TNFRSF13C: variants seen among roughly 807,000 people sequenced by gnomAD.
TNFRSF13C encodes TNF receptor superfamily member 13C.
A neutral mutation model predicts 12.1 loss-of-function variants in TNFRSF13C; 7 were observed. That is an observed-to-expected ratio of 0.58 (90% CI 0.33 to 1.08). TNFRSF13C has a LOEUF of 1.08. Among genes scored for constraint, TNFRSF13C ranks in the 50% least tolerant of loss-of-function variants. TNFRSF13C has a pLI of 0.04. For missense variants in TNFRSF13C, 260 were observed against 265.9 expected, an observed-to-expected ratio of 0.98 and a Z score of 0.15; for synonymous variants, 157 against 130.8, an observed-to-expected ratio of 1.20 and a Z score of -1.37.
chr22:41,926,006 C>G lies in TNFRSF13C; in HGVS notation c.367+95G>C, dbSNP rs925020809. On this transcript the variant is annotated intron_variant, in intron 2 of 2. Transcript: ENST00000291232. This position sits in a 1 kb window ranked among gnomAD's most constrained non-coding sequence, Gnocchi z 4.9. ...CTCCGTTTCCCCTTAAAGCCCTTCTCTCCCCCTCAGGGGCCATGCATCTCC... is the reference window on the plus strand; with the variant it reads ...CTCCGTTTCCCCTTAAAGCCCTTCTGTCCCCCTCAGGGGCCATGCATCTCC... 7.3e-6 allele frequency: 11 copies of G among 1,515,014 alleles called. No homozygotes were observed. In the African/African-American group the frequency reaches 1.4e-4, roughly 19 times the overall value. The allele number at this position is 1,515,014 out of a possible 1,614,324, so 93.8% of individuals were successfully genotyped here. A position where few individuals can be genotyped will look rare whatever the true frequency, so the allele number is the denominator to read the frequency against.
Position 41,926,004 on chromosome 22 carries a change from C to G in TNFRSF13C, c.367+97G>C. 2.0e-6 allele frequency: 3 copies of G among 1,505,966 alleles called. No individual in the cohort carries two copies. The highest frequency in any genetic ancestry group is 2.7e-6 in the Non-Finnish European group (3 of 1,098,708). The allele number at this position is 1,505,966 out of a possible 1,614,324, so 93.3% of individuals were successfully genotyped here. A position where few individuals can be genotyped will look rare whatever the true frequency, so the allele number is the denominator to read the frequency against. On this transcript the variant is annotated intron_variant, in intron 2 of 2. Transcript: ENST00000291232. The surrounding 1 kb of genome is among the most constrained non-coding windows in gnomAD (Gnocchi z 4.9). ...GTCTCCGTTTCCCCTTAAAGCCCTT[C>G]TCTCCCCCTCAGGGGCCATGCATCT...
At chr22:41,925,858 C>G (rs1025596943) in intron 2 of TNFRSF13C, among the ~76,000 whole-genome samples, 2 of 152,168 alleles carry the variant, frequency 1.3e-5, no homozygotes, top group African/African-American at 4.8e-5. Flanking sequence ...TGCAACCTGT[C>G]TCTTCCTCAC....
At position 41,926,452 on chromosome 22, in the gene TNFRSF13C, G is replaced by T; in HGVS notation, c.137-121C>A. ...GGGGAGGGACAGCCGGGGGGCGGTGGACAAGGGGAGGGAGAGAGGCGGCGG... is the reference window on the plus strand; with the variant it reads ...GGGGAGGGACAGCCGGGGGGCGGTGTACAAGGGGAGGGAGAGAGGCGGCGG... On this transcript the variant is annotated intron_variant, in intron 1 of 2. Coordinates refer to ENST00000291232, the MANE Select transcript of TNFRSF13C (RefSeq NM_052945.4). This position sits in a 1 kb window ranked among gnomAD's most constrained non-coding sequence, Gnocchi z 4.9. 1 of 1,025,578 alleles carries T rather than the reference G, an allele frequency of 9.8e-7. No homozygotes were observed. The highest frequency in any genetic ancestry group is 1.3e-6 in the Non-Finnish European group (1 of 771,230). The allele number at this position is 1,025,578 out of a possible 1,614,324, so 63.5% of individuals were successfully genotyped here.
At position 41,925,457 on chromosome 22, in the gene TNFRSF13C, G is replaced by A. The variant is rs1335634043; in HGVS notation, c.465C>T (p.Thr155=). ...WPPPGEDPGT[T]PPGHSVPVPA... ...GCACAGGGACACTGTGGCCAGGTGGGGTGGTTCCTGGGTCTTCCCCAGGAG... is the reference window on the plus strand; with the variant it reads ...GCACAGGGACACTGTGGCCAGGTGGAGTGGTTCCTGGGTCTTCCCCAGGAG... Residue 155 remains threonine, a synonymous_variant, in exon 3 of 3, where the codon ACC becomes ACT. Coordinates refer to ENST00000291232, the MANE Select transcript of TNFRSF13C (RefSeq NM_052945.4). The A allele has an allele frequency of 1.2e-6, 2 of 1,612,846 alleles. No homozygotes were observed. Among genetic ancestry groups the A allele is most frequent in the South Asian group, 1.1e-5 (1 of 91,078 alleles).
chr22:41,926,475 C>CGGT lies in TNFRSF13C; in HGVS notation c.137-147_137-145dup. On this transcript the variant is annotated intron_variant, in intron 1 of 2. Transcript: ENST00000291232. This position sits in a 1 kb window ranked among gnomAD's most constrained non-coding sequence, Gnocchi z 4.9. ...TGGACAAGGGGAGGGAGAGAGGCGGCGGTGAGGGCCACGCGGTGATCGCGG... is the reference window on the plus strand; with the variant it reads ...TGGACAAGGGGAGGGAGAGAGGCGGCGGTGGTGAGGGCCACGCGGTGATCGCGG... 1 of 1,116,666 alleles carries CGGT rather than the reference C, an allele frequency of 9.0e-7. No individual in the cohort carries two copies. The highest frequency in any genetic ancestry group is 3.2e-4 in the Middle Eastern group (1 of 3,168). 69.2% of individuals were successfully genotyped at this position (1,116,666 alleles called of 1,614,324 possible).
Position 41,926,271 on chromosome 22 carries a change from C to T in TNFRSF13C, c.197G>A (p.Gly66Glu). The T allele has an allele frequency of 6.7e-7, 1 of 1,490,626 alleles. No homozygotes were observed. The highest frequency in any genetic ancestry group is 1.3e-5 in the South Asian group (1 of 78,770). 92.3% of individuals were successfully genotyped at this position (1,490,626 alleles called of 1,614,324 possible). A position where few individuals can be genotyped will look rare whatever the true frequency, so the allele number is the denominator to read the frequency against. The change falls in exon 2 of 3, where the codon GGG (glycine) becomes GAG (glutamate). Residue 66 changes from glycine to glutamate, a missense_variant. Physicochemically the swap from Gly to Glu is moderately conservative, Grantham distance 98. Coordinates refer to ENST00000291232, the MANE Select transcript of TNFRSF13C (RefSeq NM_052945.4). The surrounding 1 kb of genome is among the most constrained non-coding windows in gnomAD (Gnocchi z 4.9). ...ALQPQESVGA[G>E]AGEAALPLPG... ...CAGGGGCAGCGCCGCCTCGCCGGCC[C>T]CCGCGCCCACCGACTCCTGCGGCTG...
At position 41,926,610 on chromosome 22, in the gene TNFRSF13C, C is replaced by T. The variant is rs2077633763; in HGVS notation, c.136+28G>A. The T allele has an allele frequency of 1.1e-5, 15 of 1,416,112 alleles. No individual in the cohort carries two copies. The East Asian group carries it at 2.5e-4, about 23-fold the overall frequency. The allele number at this position is 1,416,112 out of a possible 1,614,324, so 87.7% of individuals were successfully genotyped here. ...GCCCCGTTCTCCCCGCAGCTGCCGG[C>T]GCCGCGCGCCCCGTGGGTCCCCCTT... On this transcript the variant is annotated intron_variant, in intron 1 of 2. Coordinates refer to ENST00000291232, the MANE Select transcript of TNFRSF13C (RefSeq NM_052945.4). The surrounding 1 kb of genome is among the most constrained non-coding windows in gnomAD (Gnocchi z 4.9).
Position 41,925,225 on chromosome 22 carries a change from T to C in TNFRSF13C, c.*142A>G. The C allele has an allele frequency of 1.1e-6, 1 of 905,076 alleles. No individual in the cohort carries two copies. The highest frequency in any genetic ancestry group is 1.6e-6 in the Non-Finnish European group (1 of 612,258). The allele number at this position is 905,076 out of a possible 1,614,324, so 56.1% of individuals were successfully genotyped here. A position where few individuals can be genotyped will look rare whatever the true frequency, so the allele number is the denominator to read the frequency against. ...TCCATGGGGGCTGAATGCTGTGGTC[T>C]GTAGTGTCTGTGCTTCTGCAGAGTT... On this transcript the variant is annotated 3_prime_UTR_variant, in exon 3 of 3. Coordinates refer to ENST00000291232, the MANE Select transcript of TNFRSF13C (RefSeq NM_052945.4).
rs2077632912 is a variant in TNFRSF13C at position 41,926,497 on chromosome 22, G to C, written c.136+141C>G. ...CGGCGGTGAGGGCCACGCGGTGATC[G>C]CGGGCCCCTCCAGGCCCTGCCCACA... On this transcript the variant is annotated intron_variant, in intron 1 of 2. Coordinates refer to ENST00000291232, the MANE Select transcript of TNFRSF13C (RefSeq NM_052945.4). The surrounding 1 kb of genome is among the most constrained non-coding windows in gnomAD (Gnocchi z 4.9). 1.7e-6 allele frequency: 2 copies of C among 1,173,510 alleles called. No homozygotes were observed. The highest frequency in any genetic ancestry group is 4.2e-5 in the Admixed American group (1 of 23,884). 72.7% of individuals were successfully genotyped at this position (1,173,510 alleles called of 1,614,324 possible).
rs765144298 is a variant in TNFRSF13C, at chr22:41,926,062, C to A, written c.367+39G>T. 2 of 1,610,720 alleles carry A rather than the reference C, an allele frequency of 1.2e-6. No homozygotes were observed. Among genetic ancestry groups the A allele is most frequent in the Non-Finnish European group, 1.7e-6 (2 of 1,178,928 alleles). The stretch of plus-strand genomic sequence containing the variant: ...GACCGTCCCGACACCCCAGCCCCTG[C>A]GCCCCGCTCAGACTGGTTCCCCTAC... On this transcript the variant is annotated intron_variant, in intron 2 of 2. Coordinates refer to ENST00000291232, the MANE Select transcript of TNFRSF13C (RefSeq NM_052945.4). This position sits in a 1 kb window ranked among gnomAD's most constrained non-coding sequence, Gnocchi z 4.9.
At chr22:41,925,939 C>T (rs1410602569) in intron 2 of TNFRSF13C, among the ~76,000 whole-genome samples, 162 bp downstream of exon 2, 1 of 152,228 alleles carries the variant, frequency 6.6e-6, no homozygotes, top group Non-Finnish European at 1.5e-5. Context: ...ATGTCTCCCT[C>T]CCCAGCCTGA....
At chr22:41,925,828 C>T (rs1034411265) in intron 2 of TNFRSF13C, among the ~76,000 whole-genome samples, 7 of 152,172 alleles carry the variant, frequency 4.6e-5, no homozygotes, top group African/African-American at 1.4e-4. Context: ...AGACTCCTCC[C>T]TCAGACGGGG....
chr22:41,925,293 A>G lies in TNFRSF13C; in HGVS notation c.*74T>C. ...AGGGCATGTGCATGCTGGAGTGAAGAGCTGAATTTGATTTCCAAGCCCCTG... is the reference window on the plus strand; with the variant it reads ...AGGGCATGTGCATGCTGGAGTGAAGGGCTGAATTTGATTTCCAAGCCCCTG... On this transcript the variant is annotated 3_prime_UTR_variant, in exon 3 of 3. Transcript: ENST00000291232. 2.1e-6 allele frequency: 3 copies of G among 1,454,392 alleles called. No individual in the cohort carries two copies. Among genetic ancestry groups the G allele is most frequent in the Admixed American group, 4.4e-5 (2 of 45,646 alleles). 90.1% of individuals were successfully genotyped at this position (1,454,392 alleles called of 1,614,324 possible).
At position 41,926,409 on chromosome 22, in the gene TNFRSF13C, G is replaced by A. The variant is rs962398448; in HGVS notation, c.137-78C>T. The A allele has an allele frequency of 3.1e-4, 385 of 1,224,370 alleles. 1 individual carries two copies. Among genetic ancestry groups the A allele is most frequent in the Non-Finnish European group, 4.0e-4 (376 of 950,474 alleles). The allele number at this position is 1,224,370 out of a possible 1,614,324, so 75.8% of individuals were successfully genotyped here. A position where few individuals can be genotyped will look rare whatever the true frequency, so the allele number is the denominator to read the frequency against. On this transcript the variant is annotated intron_variant, in intron 1 of 2. Coordinates refer to ENST00000291232, the MANE Select transcript of TNFRSF13C (RefSeq NM_052945.4). The surrounding 1 kb of genome is among the most constrained non-coding windows in gnomAD (Gnocchi z 4.9). ...GCGGGGACGGGGAGGGGCGGAGGGG[G>A]GCGAGGCTGGCCGGGGAGGGGAGGG... is the stretch of plus-strand genomic sequence containing the variant.
chr22:41,926,777 G>T lies in TNFRSF13C; in HGVS notation c.-4C>A. ...GGCTCCGGGGCCCTCGCCTCATGGTGCCGACGCCGCCGCACAAGCTGCGGG... is the reference window on the plus strand; with the variant it reads ...GGCTCCGGGGCCCTCGCCTCATGGTTCCGACGCCGCCGCACAAGCTGCGGG... On this transcript the variant is annotated 5_prime_UTR_variant, in exon 1 of 3. Coordinates refer to ENST00000291232, the MANE Select transcript of TNFRSF13C (RefSeq NM_052945.4). The surrounding 1 kb of genome is among the most constrained non-coding windows in gnomAD (Gnocchi z 4.9). 1 of 1,323,532 alleles carries T rather than the reference G, an allele frequency of 7.6e-7. No individual in the cohort carries two copies. The highest frequency in any genetic ancestry group is 3.1e-5 in the East Asian group (1 of 31,772). 82.0% of individuals were successfully genotyped at this position (1,323,532 alleles called of 1,614,324 possible).
Position 41,926,267 on chromosome 22 carries a change from G to A in TNFRSF13C, c.201C>T (p.Ala67=). ...CGGGCAGGGGCAGCGCCGCCTCGCC[G>A]GCCCCCGCGCCCACCGACTCCTGCG... ...LQPQESVGAG[A]GEAALPLPGL... Residue 67 remains alanine (A), a synonymous_variant, in exon 2 of 3, where the codon GCC becomes GCT. Coordinates refer to ENST00000291232, the MANE Select transcript of TNFRSF13C (RefSeq NM_052945.4). The surrounding 1 kb of genome is among the most constrained non-coding windows in gnomAD (Gnocchi z 4.9). 1 of 1,494,878 alleles carries A rather than the reference G, an allele frequency of 6.7e-7. No individual in the cohort carries two copies. The highest frequency in any genetic ancestry group is 8.8e-7 in the Non-Finnish European group (1 of 1,129,970). 92.6% of individuals were successfully genotyped at this position (1,494,878 alleles called of 1,614,324 possible). A position where few individuals can be genotyped will look rare whatever the true frequency, so the allele number is the denominator to read the frequency against.
chr22:41,926,574 T>C lies in TNFRSF13C; in HGVS notation c.136+64A>G. The C allele has an allele frequency of 1.5e-6, 2 of 1,356,430 alleles. No individual in the cohort carries two copies. Among genetic ancestry groups the C allele is most frequent in the South Asian group, 1.8e-5 (1 of 56,768 alleles). The allele number at this position is 1,356,430 out of a possible 1,614,324, so 84.0% of individuals were successfully genotyped here. A position where few individuals can be genotyped will look rare whatever the true frequency, so the allele number is the denominator to read the frequency against. Reference sequence around the variant, plus strand: ...GGGGGTCGGGGCTCTGCCTGCGCCCTGGCGATCGGGGCCCCGTTCTCCCCG... The same window carrying C: ...GGGGGTCGGGGCTCTGCCTGCGCCCCGGCGATCGGGGCCCCGTTCTCCCCG... On this transcript the variant is annotated intron_variant, in intron 1 of 2. Coordinates refer to ENST00000291232, the MANE Select transcript of TNFRSF13C (RefSeq NM_052945.4). This position sits in a 1 kb window ranked among gnomAD's most constrained non-coding sequence, Gnocchi z 4.9.
rs1445555329 is a variant in TNFRSF13C at position 41,926,623 on chromosome 22, G to C, written c.136+15C>G. The C allele has an allele frequency of 1.0e-5, 15 of 1,432,468 alleles. No individual in the cohort carries two copies. The highest frequency in any genetic ancestry group is 1.3e-5 in the Non-Finnish European group (14 of 1,096,258). The allele number at this position is 1,432,468 out of a possible 1,614,324, so 88.7% of individuals were successfully genotyped here. ...CGCAGCTGCCGGCGCCGCGCGCCCC[G>C]TGGGTCCCCCTTACCCGGTTTCGGC... On this transcript the variant is annotated intron_variant, in intron 1 of 2. Coordinates refer to ENST00000291232, the MANE Select transcript of TNFRSF13C (RefSeq NM_052945.4). This position sits in a 1 kb window ranked among gnomAD's most constrained non-coding sequence, Gnocchi z 4.9.
Position 41,923,877 on chromosome 22 carries a change from G to A in TNFRSF13C, c.*1490C>T, listed in dbSNP as rs2077616578. 6.6e-6 allele frequency: 1 copy of A among 152,174 alleles called. No individual in the cohort carries two copies. The highest frequency in any genetic ancestry group is 2.1e-4 in the South Asian group (1 of 4,822). The allele number at this position is 152,174 out of a possible 1,614,324, so 9.4% of individuals were successfully genotyped here. A position where few individuals can be genotyped will look rare whatever the true frequency, so the allele number is the denominator to read the frequency against. ...GGGTCAAAATGGCATCTTAGGTTCT[G>A]GCAGATTGGGCCAATCTCAGGGTTG... On this transcript the variant is annotated 3_prime_UTR_variant, in exon 3 of 3. Transcript: ENST00000291232.
Sources: gnomAD v4.1 joint callset for allele counts (sites outside exome capture counted in the v4.1 genomes callset) on GRCh38, gnomAD v4.1.1 for gene constraint, Gnocchi (gnomAD v3.1) non-coding constraint, MANE v1.5 for transcripts, NCBI Gene and HGNC (gene_info 2026-07-23, HGNC 2026-07-21) for gene names.